WDR72: variants seen among roughly 807,000 people sequenced by gnomAD.
The protein encoded by WDR72 is WD repeat domain 72, also known as WD repeat-containing protein 72.
A neutral mutation model predicts 124.2 loss-of-function variants in WDR72; 120 were observed. The observed-to-expected ratio is 0.97, with a 90% confidence interval of 0.83 to 1.12. WDR72 has a LOEUF of 1.12. WDR72 is among the 50% of genes most tolerant of loss of function. The probability of loss-of-function intolerance (pLI) is 0.00; values close to 1 mark genes in which losing one functional copy is unlikely to be tolerated. For synonymous variants in WDR72, 452 were observed against 441.7 expected, an observed-to-expected ratio of 1.02 and a Z score of -0.29; for missense variants, 1,387 against 1,278.8, an observed-to-expected ratio of 1.08 and a Z score of -1.29.
chr15:53,674,659 T>C (rs975280731), intron 13 of WDR72, among the ~76,000 whole-genome samples: 1 of 152,196 alleles, frequency 6.6e-6, no homozygotes, highest in African/African-American at 2.4e-5. Context: ...AGCTAAAAAA[T>C]GGAGTGTCAA....
chr15:53,657,201 C>T (rs2015456026), intron 14 of WDR72, among the ~76,000 whole-genome samples: 3 of 125,936 alleles, frequency 2.4e-5, no homozygotes, highest in Admixed American at 2.1e-4. Context: ...GAGGCACAGA[C>T]TGCAGTGAGC....
At chr15:53,635,592 G>C (rs2014592327) in intron 14 of WDR72, among the ~76,000 whole-genome samples, 2 of 152,088 alleles carry the variant, frequency 1.3e-5, no homozygotes, top group African/African-American at 4.8e-5. Flanking sequence ...AGCTGCAACA[G>C]AAAACCAAAT....
intron 13 of WDR72, among the ~76,000 whole-genome samples, chr15:53,696,140 T>C (rs2016996572): frequency 6.6e-6 from 1 of 152,174 alleles, no homozygotes; most frequent in Non-Finnish European, 1.5e-5. Flanking sequence ...GATAAATACC[T>C]TTATGTCAAT....
At position 53,726,264 on chromosome 15, in the gene WDR72, G is replaced by GTGTGTATA. The variant is rs1555428779; in HGVS notation, c.154-3357_154-3356insTATACACA. Reference sequence around the variant, plus strand: ...TGTGTGTATATATATATGTATGTGTGTATATATATATATATATATATACAC... The same window carrying GTGTGTATA: ...TGTGTGTATATATATATGTATGTGTGTGTGTATATATATATATATATATATATATACAC... On this transcript the variant is annotated intron_variant, in intron 2 of 19. Coordinates refer to ENST00000360509, the MANE Select transcript of WDR72 (RefSeq NM_182758.4). Among the ~76,000 whole-genome samples, 545 of 110,352 alleles carry GTGTGTATA rather than the reference G, an allele frequency of 4.9e-3. 8 individuals are homozygous for GTGTGTATA. The highest frequency in any genetic ancestry group is 0.023 in the African/African-American group (507 of 21,966). 72.4% of individuals were successfully genotyped at this position (110,352 alleles called of 152,430 possible). A position where few individuals can be genotyped will look rare whatever the true frequency, so the allele number is the denominator to read the frequency against.
chr15:53,712,826 T>G lies in WDR72; in HGVS notation c.657A>C (p.Arg219=). Residue 219 remains arginine (R), a synonymous_variant, in exon 7 of 20, where the codon CGA becomes CGC. Coordinates refer to ENST00000360509, the MANE Select transcript of WDR72 (RefSeq NM_182758.4). The part of the protein sequence containing the change: ...FLESLNCQTI[R]FCTYTERLLL... ...GAAGTCTCTCAGTATATGTGCAAAATCGAATTGTCTGGCAGTTCAAGGACT... is the reference window on the plus strand; with the variant it reads ...GAAGTCTCTCAGTATATGTGCAAAAGCGAATTGTCTGGCAGTTCAAGGACT... 6.2e-7 allele frequency: 1 copy of G among 1,613,834 alleles called. No individual in the cohort carries two copies. The highest frequency in any genetic ancestry group is 8.5e-7 in the Non-Finnish European group (1 of 1,179,878).
intron 18 of WDR72, among the ~76,000 whole-genome samples, chr15:53,528,567 A>G (rs774018769): frequency 2.0e-5 from 3 of 152,040 alleles, no homozygotes; most frequent in Non-Finnish European, 4.4e-5. Context: ...AAGAGGATCT[A>G]TTTTTCAACT....
intron 13 of WDR72, among the ~76,000 whole-genome samples, chr15:53,695,637 C>T (rs989873103): frequency 2.0e-5 from 3 of 152,138 alleles, no homozygotes; most frequent in African/African-American, 7.2e-5. Context: ...AGGACGAGGG[C>T]CCTCAGTGTC....
intron 18 of WDR72, among the ~76,000 whole-genome samples, chr15:53,533,472 A>G (rs1892593894): frequency 6.6e-6 from 1 of 152,100 alleles, no homozygotes; most frequent in South Asian, 2.1e-4. Context: ...GCCATTCTTT[A>G]AATTAAGACA....
intron 1 of WDR72, among the ~76,000 whole-genome samples, chr15:53,737,446 G>A (rs2018389454): frequency 2.0e-5 from 3 of 152,196 alleles, no homozygotes; most frequent in African/African-American, 4.8e-5. Flanking sequence ...AAATATTAAC[G>A]TAGAAAGGTT....
intron 8 of WDR72, 111 bp from the exon 9 acceptor site, chr15:53,711,064 T>A: frequency 1.0e-6 from 1 of 996,178 alleles, no homozygotes; most frequent in East Asian, 2.6e-5. Flanking sequence ...TTCTAAACTC[T>A]AGTTAGAAAT....
chr15:53,716,552 G>A (rs2017713177), intron 4 of WDR72, 55 bp downstream of exon 4: 3 of 1,139,764 alleles, frequency 2.6e-6, no homozygotes, highest in East Asian at 4.7e-5. Flanking sequence ...ATTTGCAAAT[G>A]CCCTAAACAA....
rs771305457 is a variant in WDR72 at position 53,616,084 on chromosome 15, A to C, written c.2122T>G (p.Tyr708Asp). ...LSDVDSSSSF[Y>D]GGEVLRRAKS... The stretch of plus-strand genomic sequence containing the variant: ...GCTCTTCTCAGGACCTCACCACCAT[A>C]GAATGAACTGGAAGAGTCAACATCA... Residue 708 changes from tyrosine (Y) to aspartate (D), a missense_variant, in exon 15 of 20, where the codon TAT (tyrosine) becomes GAT (aspartate). Tyr to Asp is a radical substitution (Grantham distance 160, BLOSUM62 -3). Transcript: ENST00000360509. 1.1e-5 allele frequency: 18 copies of C among 1,606,864 alleles called. No individual in the cohort carries two copies. In the African/African-American group the frequency reaches 2.4e-4, roughly 22 times the overall value.
intron 18 of WDR72, among the ~76,000 whole-genome samples, chr15:53,572,575 T>C (rs939991559): frequency 6.6e-6 from 1 of 152,132 alleles, no homozygotes; most frequent in Admixed American, 6.5e-5. Context: ...AAGAAAAAAA[T>C]TGATAAATTG....
rs536041689 is a variant in WDR72, at chr15:53,558,429, C to G, written c.3149-35107G>C. On this transcript the variant is annotated intron_variant, in intron 18 of 19. Transcript: ENST00000360509. ...AAAAACGAATTCTGAAAAATGTGCT[C>G]TAAAGTTAATACTATGTATCACATT... is the stretch of plus-strand genomic sequence containing the variant. Among the ~76,000 whole-genome samples, 8 of 152,098 alleles carry G rather than the reference C, an allele frequency of 5.3e-5. No homozygotes were observed. In the South Asian group the frequency reaches 1.0e-3, roughly 20 times the overall value.
chr15:53,556,205 T>C (rs1378437709), intron 18 of WDR72, among the ~76,000 whole-genome samples: 1 of 152,142 alleles, frequency 6.6e-6, no homozygotes, highest in African/African-American at 2.4e-5. Context: ...GAAAATATTT[T>C]ACCAACAGTT....
chr15:53,578,726 TAAATA>T lies in WDR72; in HGVS notation c.3148+18348_3148+18352del, dbSNP rs1595771598. Among the ~76,000 whole-genome samples, 8 of 151,158 alleles carry T rather than the reference TAAATA, an allele frequency of 5.3e-5. No individual in the cohort carries two copies. In the South Asian group the frequency reaches 1.7e-3, roughly 31 times the overall value. On this transcript the variant is annotated intron_variant, in intron 18 of 19. Transcript: ENST00000360509. ...AAAAGAGAAGCCATATGTGCTTAAA[TAAATA>T]AAACTTAAAACAAACAAACAAACAA...
At chr15:53,570,945 T>C (rs1308294502) in intron 18 of WDR72, among the ~76,000 whole-genome samples, 1 of 152,184 alleles carries the variant, frequency 6.6e-6, no homozygotes, top group African/African-American at 2.4e-5. Flanking sequence ...TGGATGCAGC[T>C]GGAGGCTATT....
intron 14 of WDR72, among the ~76,000 whole-genome samples, chr15:53,642,508 A>G (rs1212732553): frequency 6.6e-6 from 1 of 152,028 alleles, no homozygotes; most frequent in Admixed American, 6.6e-5. Flanking sequence ...ATAATAATAG[A>G]GCCTAACACA....
chr15:53,542,844 C>T (rs1186863185), intron 18 of WDR72, among the ~76,000 whole-genome samples: 7 of 92,642 alleles, frequency 7.6e-5, no homozygotes, highest in African/African-American at 3.0e-4. Flanking sequence ...GGTTGCAATC[C>T]TAGTCTCTGA....
Sources: allele counts gnomAD v4.1 joint callset (sites outside exome capture counted in the v4.1 genomes callset), GRCh38; gene constraint gnomAD v4.1.1; transcripts MANE v1.5; gene names NCBI Gene and HGNC (gene_info 2026-07-23, HGNC 2026-07-21).